Variants in MKLN1 observed in about 807,000 individuals in gnomAD.
The protein encoded by MKLN1 is muskelin.
In MKLN1, 18 loss-of-function variants were observed where a neutral mutation model predicts 99.0. The observed-to-expected ratio is 0.18, with a 90% confidence interval of 0.13 to 0.27. The LOEUF (loss-of-function observed/expected upper bound fraction) is 0.27. Ranked by LOEUF, MKLN1 falls within the 10% of genes least tolerant of loss-of-function variation. MKLN1 has a pLI of 1.00. For synonymous variants in MKLN1, 288 were observed against 293.2 expected (o/e 0.98, Z 0.18); for missense variants, 621 against 875.9 (o/e 0.71, Z 3.67).
chr7:131,254,928 G>A (rs1011167515), intron 3 of MKLN1, among the ~76,000 whole-genome samples: 1 of 151,712 alleles, frequency 6.6e-6, no homozygotes, highest in Admixed American at 6.6e-5. Context: ...GAAGATCTCT[G>A]TTGCCCAGGC....
intron 2 of MKLN1, among the ~76,000 whole-genome samples, chr7:131,184,748 A>G (rs997867768): frequency 6.6e-6 from 1 of 152,170 alleles, no homozygotes; most frequent in Non-Finnish European, 1.5e-5. Flanking sequence ...GCTAGTCTCG[A>G]ACTCCTGACC....
At chr7:131,244,090 G>T (rs1797448396) in intron 3 of MKLN1, among the ~76,000 whole-genome samples, 2 of 151,994 alleles carry the variant, frequency 1.3e-5, no homozygotes, top group African/African-American at 4.8e-5. Context: ...GTCAAAAGAG[G>T]CCCATTTTTC....
intron 3 of MKLN1, among the ~76,000 whole-genome samples, chr7:131,268,037 G>A (rs1200418394): frequency 6.6e-6 from 1 of 152,090 alleles, no homozygotes; most frequent in African/African-American, 2.4e-5. Context: ...GTTTAAGTGT[G>A]GTATTGACTA....
chr7:131,291,101 TTTTATTTATTTA>T (rs58711955), intron 3 of MKLN1, among the ~76,000 whole-genome samples: 3,622 of 134,834 alleles, frequency 0.027, 65 homozygotes, highest in Middle Eastern at 0.08. Context: ...TCTCATTTTA[TTTTATTTATTTA>T]TTTATTTATT....
chr7:131,399,235 T>C lies in MKLN1; in HGVS notation c.511-6T>C. 6.2e-7 allele frequency: 1 copy of C among 1,611,814 alleles called. No individual in the cohort carries two copies. Among genetic ancestry groups the C allele is most frequent in the Non-Finnish European group, 8.5e-7 (1 of 1,178,032 alleles). ...TTCTTTCCATACTTACTCTGTGTTC[T>C]AGTAGTACCGTGAACAGGAAGCTAT... On this transcript the variant is annotated splice_region_variant and splice_polypyrimidine_tract_variant and intron_variant, in intron 5 of 17. Transcript: ENST00000352689.
At position 131,496,464 on chromosome 7, in the gene MKLN1, A is replaced by G. The variant is rs958955429; in HGVS notation, c.*8736A>G. The G allele has an allele frequency of 1.3e-5, 2 of 152,094 alleles. No individual in the cohort carries two copies. Among genetic ancestry groups the G allele is most frequent in the Non-Finnish European group, 2.9e-5 (2 of 68,038 alleles). The allele number at this position is 152,094 out of a possible 1,614,324, so 9.4% of individuals were successfully genotyped here. A position where few individuals can be genotyped will look rare whatever the true frequency, so the allele number is the denominator to read the frequency against. ...GGATTTTTTTTTTCTTATAGTACAA[A>G]TAATTTTCAGATCCCAGCTTTGGTA... On this transcript the variant is annotated 3_prime_UTR_variant, in exon 18 of 18. Coordinates refer to ENST00000352689, the MANE Select transcript of MKLN1 (RefSeq NM_013255.5).
chr7:131,267,126 A>G, intron 3 of MKLN1, among the ~76,000 whole-genome samples: 1 of 152,002 alleles, frequency 6.6e-6, no homozygotes, highest in Non-Finnish European at 1.5e-5. Context: ...TGAGGTCAGG[A>G]GTTTGAGACC....
chr7:131,399,374 A>G lies in MKLN1; in HGVS notation c.644A>G (p.Lys215Arg), dbSNP rs1369071279. The G allele has an allele frequency of 6.2e-7, 1 of 1,614,098 alleles. No homozygotes were observed. Among genetic ancestry groups the G allele is most frequent in the Admixed American group, 1.7e-5 (1 of 60,024 alleles). Residue 215 changes from lysine to arginine, a missense_variant, in exon 6 of 18, where the codon AAG becomes AGG. Lys to Arg is a conservative substitution (Grantham distance 26). Transcript: ENST00000352689. ...EHPMLTDIHD[K>R]LVLKGDFDAC... ...CCCATGTTAACAGATATTCATGACA[A>G]GCTGGTGTTGAAGGGTGATTTTGAT...
chr7:131,397,482 A>G (rs1794394702), intron 5 of MKLN1, 106 bp downstream of exon 5: 3 of 629,700 alleles, frequency 4.8e-6, no homozygotes, highest in Non-Finnish European at 7.9e-6. Flanking sequence ...TAATAATAAC[A>G]ACAGTTAGCT....
At chr7:131,313,718 T>G (rs1242972227) in intron 3 of MKLN1, among the ~76,000 whole-genome samples, 1 of 152,262 alleles carries the variant, frequency 6.6e-6, no homozygotes, top group Non-Finnish European at 1.5e-5. Context: ...TAAGGAGACC[T>G]ATTTCACTTA....
intron 1 of MKLN1, among the ~76,000 whole-genome samples, chr7:131,354,514 T>TGG (rs559708966): frequency 1.2e-4 from 16 of 128,828 alleles, no homozygotes; most frequent in African/African-American, 2.8e-4. Flanking sequence ...TTTTTTTTTG[T>TGG]GGGGGGGGGC....
chr7:131,294,619 G>A (rs1406156540), intron 3 of MKLN1, among the ~76,000 whole-genome samples: 1 of 152,218 alleles, frequency 6.6e-6, no homozygotes, highest in African/African-American at 2.4e-5. Flanking sequence ...CAAACCAGGT[G>A]TGGAGAGCTA....
chr7:131,172,831 T>C (rs960470131), intron 2 of MKLN1, among the ~76,000 whole-genome samples: 11 of 152,352 alleles, frequency 7.2e-5, no homozygotes, highest in Admixed American at 6.5e-4. Context: ...CAACCACTTA[T>C]ACTTGATCCA....
At chr7:131,157,367 C>T (rs1174094998) in intron 2 of MKLN1, among the ~76,000 whole-genome samples, 1 of 152,170 alleles carries the variant, frequency 6.6e-6, no homozygotes, top group Non-Finnish European at 1.5e-5. Flanking sequence ...TACTGCACTC[C>T]AGCCCGGCTG....
upstream of MKLN1, among the ~76,000 whole-genome samples, chr7:131,325,701 T>G (rs966595847): frequency 4.1e-5 from 1 of 24,388 alleles, no homozygotes; most frequent in Non-Finnish European, 9.5e-5. Flanking sequence ...AGATTCTGTC[T>G]CAAAAAAAAA....
At chr7:131,428,075 G>A (rs1263891046) in intron 8 of MKLN1, among the ~76,000 whole-genome samples, 1 of 152,124 alleles carries the variant, frequency 6.6e-6, no homozygotes, top group Non-Finnish European at 1.5e-5. Flanking sequence ...AGAGGCTGGG[G>A]TGGAGGGATT....
At chr7:131,139,669 C>T (rs768053335) in intron 1 of MKLN1, among the ~76,000 whole-genome samples, 31 of 152,174 alleles carry the variant, frequency 2.0e-4, no homozygotes, top group Non-Finnish European at 2.9e-4. Flanking sequence ...AGATTCATCC[C>T]TCTGTAGGTC....
At chr7:131,309,721 A>AT (rs59130761) in intron 3 of MKLN1, 9,035 of 87,386 alleles carry the variant, frequency 0.1, 840 homozygotes, top group East Asian at 0.18. Flanking sequence ...CCACAAGTGG[A>AT]TTTTTTTTTT....
intron 1 of MKLN1, among the ~76,000 whole-genome samples, chr7:131,366,177 A>G (rs1215034851): frequency 2.6e-5 from 4 of 152,224 alleles, no homozygotes; most frequent in Non-Finnish European, 4.4e-5. Context: ...GTAATGGATT[A>G]TCTAACCAAT....
Sources: gnomAD v4.1 joint callset for allele counts (sites outside exome capture counted in the v4.1 genomes callset) on GRCh38, gnomAD v4.1.1 for gene constraint, MANE v1.5 for transcripts, NCBI Gene and HGNC (gene_info 2026-07-23, HGNC 2026-07-21) for gene names.